The following SULT6B1 variants were observed in gnomAD, a reference collection of about 807,000 sequenced individuals.
SULT6B1 encodes sulfotransferase family 6B member 1.
In SULT6B1, 44 loss-of-function variants were observed where a neutral mutation model predicts 37.2. That is an observed-to-expected ratio of 1.18 (90% CI 0.93 to 1.52). The LOEUF (loss-of-function observed/expected upper bound fraction) is 1.52. SULT6B1 is among the 40% of genes most tolerant of loss of function. The pLI, the probability that SULT6B1 is intolerant of heterozygous loss-of-function variation, is 0.00. For missense variants in SULT6B1, 450 were observed against 361.0 expected (o/e 1.25, Z -2.00); for synonymous variants, 140 against 126.0 (o/e 1.11, Z -0.74).
At position 37,180,362 on chromosome 2, in the gene SULT6B1, T is replaced by C. The variant is rs117074401; in HGVS notation, c.403-778A>G. Among the ~76,000 whole-genome samples, 3 of 152,340 alleles carry C rather than the reference T, an allele frequency of 2.0e-5. No homozygotes were observed. In the East Asian group the frequency reaches 5.8e-4, roughly 29 times the overall value. On this transcript the variant is annotated intron_variant, in intron 3 of 6. Coordinates refer to ENST00000535679, the MANE Select transcript of SULT6B1 (RefSeq NM_001367551.1). Reference sequence around the variant, plus strand: ...GATTTTGCAAAGTGCAGATTTGTGATATTCACTTTCATTTGGGAGAAGTCT... The same window carrying C: ...GATTTTGCAAAGTGCAGATTTGTGACATTCACTTTCATTTGGGAGAAGTCT...
At chr2:37,181,897 CAG>C (rs1558449111) in intron 3 of SULT6B1, among the ~76,000 whole-genome samples, 4 of 152,194 alleles carry the variant, frequency 2.6e-5, no homozygotes, top group Admixed American at 2.6e-4. Flanking sequence ...AACTGTTTAA[CAG>C]AGCTATTCAA....
At chr2:37,173,752 A>G (rs1269511920) in intron 5 of SULT6B1, among the ~76,000 whole-genome samples, 1 of 152,096 alleles carries the variant, frequency 6.6e-6, no homozygotes, top group Non-Finnish European at 1.5e-5. Context: ...TATATCCAGA[A>G]TCCAACCTCT....
intron 3 of SULT6B1, 68 bp downstream of exon 3, chr2:37,183,357 T>C (rs998731568): frequency 4.1e-6 from 5 of 1,224,746 alleles, no homozygotes; most frequent in African/African-American, 3.0e-5. Context: ...AAACTCATGA[T>C]CTACTTCCAA....
chr2:37,175,152 A>T lies in SULT6B1; in HGVS notation c.604T>A (p.Leu202Ile), dbSNP rs372606814. The change falls in exon 5 of 7, where the codon TTA (leucine) becomes ATA (isoleucine). Residue 202 changes from leucine to isoleucine, a missense_variant. Leu to Ile is a conservative substitution (Grantham distance 5). Coordinates refer to ENST00000535679, the MANE Select transcript of SULT6B1 (RefSeq NM_001367551.1). Reference protein sequence around the residue: ...HLDGDNVKFILYEDLKENLAA... With the variant: ...HLDGDNVKFIIYEDLKENLAA... ...CTCACCTCTTTCAGGTCTTCATATA[A>T]TATGAACTTAACATTGTCGCCATCA... The T allele has an allele frequency of 1.8e-5, 28 of 1,552,766 alleles. No homozygotes were observed. Among genetic ancestry groups the T allele is most frequent in the Non-Finnish European group, 2.4e-5 (28 of 1,147,588 alleles).
In SULT6B1 at chr2:37,167,965, C is replaced by G. The variant is rs773062898; in HGVS notation, c.882G>C (p.Lys294Asn). 1.9e-6 allele frequency: 3 copies of G among 1,599,662 alleles called. No homozygotes were observed. Among genetic ancestry groups the G allele is most frequent in the East Asian group, 2.3e-5 (1 of 43,626 alleles). Residue 294 changes from lysine to asparagine, a missense_variant, in exon 7 of 7, where the codon AAG (lysine) becomes AAC (asparagine). Physicochemically the swap from Lys to Asn is moderately conservative, Grantham distance 94 (BLOSUM62 0). Coordinates refer to ENST00000535679, the MANE Select transcript of SULT6B1 (RefSeq NM_001367551.1). ...CCTGGCAATATGATTCATACTTCAA[C>G]TTTGCTCCGAGGGAGGTGCCTGCTA... Reference protein sequence around the residue: ...ECLAGTSLGAKLKYESYCQG With the variant: ...ECLAGTSLGANLKYESYCQG
chr2:37,193,597 A>AAAGAAGAAGAAAAAG (rs1676827698), upstream of SULT6B1, among the ~76,000 whole-genome samples: 1 of 113,796 alleles, frequency 8.8e-6, no homozygotes, highest in African/African-American at 3.5e-5. Context: ...AGAAGAAGAA[A>AAAGAAGAAGAAAAAG]AAGAAGAAGA....
intron 3 of SULT6B1, among the ~76,000 whole-genome samples, chr2:37,179,989 G>A (rs1676515677): frequency 6.6e-6 from 1 of 152,156 alleles, no homozygotes; most frequent in Non-Finnish European, 1.5e-5. Flanking sequence ...TTAAAGAATG[G>A]CAAAGCCCAC....
chr2:37,188,618 A>G lies in SULT6B1; in HGVS notation c.23T>C (p.Ile8Thr), dbSNP rs1209835064. 4 of 1,401,788 alleles carry G rather than the reference A, an allele frequency of 2.9e-6. No individual in the cohort carries two copies. Among genetic ancestry groups the G allele is most frequent in the Non-Finnish European group, 4.0e-6 (4 of 991,134 alleles). 86.8% of individuals were successfully genotyped at this position (1,401,788 alleles called of 1,614,324 possible). A position where few individuals can be genotyped will look rare whatever the true frequency, so the allele number is the denominator to read the frequency against. ...TTCTAAAGCTTCGTCAATGTATTCA[A>G]TAAATTTGGATTTATCAGCCATGGT... The part of the protein sequence containing the change: MADKSKF[I>T]EYIDEALEKS... Residue 8 changes from isoleucine (I) to threonine (T), a missense_variant, in exon 1 of 7, where the codon ATT (isoleucine) becomes ACT (threonine). By Grantham distance (89) the Ile-to-Thr change is moderately conservative. Transcript: ENST00000535679.
At chr2:37,194,084 GT>G (rs1676841092) in intron 1 of SULT6B1, among the ~76,000 whole-genome samples, 2 of 151,776 alleles carry the variant, frequency 1.3e-5, no homozygotes, top group African/African-American at 4.8e-5. Flanking sequence ...TATAATTTCT[GT>G]TTTTTCGTGA....
At position 37,175,841 on chromosome 2, in the gene SULT6B1, T is replaced by G. The variant is rs1413720196; in HGVS notation, c.530-615A>C. Reference sequence around the variant, plus strand: ...CTCAATTTGGATGCTAAATTTTTATTGAAAATACTTGATGTATATTTAGAT... The same window carrying G: ...CTCAATTTGGATGCTAAATTTTTATGGAAAATACTTGATGTATATTTAGAT... On this transcript the variant is annotated intron_variant, in intron 4 of 6. Coordinates refer to ENST00000535679, the MANE Select transcript of SULT6B1 (RefSeq NM_001367551.1). Among the ~76,000 whole-genome samples the G allele has an allele frequency of 3.3e-5, 5 of 152,252 alleles. No individual in the cohort carries two copies. In the East Asian group the frequency reaches 9.6e-4, roughly 29 times the overall value.
chr2:37,186,917 A>G (rs1054325140), intron 2 of SULT6B1, among the ~76,000 whole-genome samples: 13 of 152,174 alleles, frequency 8.5e-5, no homozygotes, highest in African/African-American at 3.1e-4. Flanking sequence ...ATGGTTTACT[A>G]GGAAAAGACT....
Position 37,187,465 on chromosome 2 carries a change from A to T in SULT6B1, c.202T>A (p.Ser68Thr). ...CTGACAATGTGGAGAATCCAGTTTG[A>T]ACCTATCAGAAAAATCAGAGAATAA... is the stretch of plus-strand genomic sequence containing the variant. ...IVLASYPKCG[S>T]NWILHIVSEL... Residue 68 changes from serine (S) to threonine (T), a missense_variant and splice_region_variant, in exon 2 of 7, where the codon TCA becomes ACA. Transcript: ENST00000535679. The T allele has an allele frequency of 1.3e-6, 2 of 1,560,866 alleles. No individual in the cohort carries two copies. Among genetic ancestry groups the T allele is most frequent in the Non-Finnish European group, 1.7e-6 (2 of 1,143,170 alleles).
At chr2:37,179,173 C>T (rs545036782) in intron 4 of SULT6B1, among the ~76,000 whole-genome samples, 74 of 152,182 alleles carry the variant, frequency 4.9e-4, no homozygotes, top group African/African-American at 1.6e-3. Context: ...TTAGCCAGGA[C>T]AGTCTTGATC....
chr2:37,188,711 AG>A (rs1186971660), upstream of SULT6B1: 6 of 606,724 alleles, frequency 9.9e-6, no homozygotes, highest in Non-Finnish European at 1.8e-5. Context: ...GGAGTTGGGC[AG>A]GGGCTGGAAT....
chr2:37,187,453 G>C lies in SULT6B1; in HGVS notation c.214C>G (p.Leu72Val). The C allele has an allele frequency of 6.3e-7, 1 of 1,596,722 alleles. No individual in the cohort carries two copies. Among genetic ancestry groups the C allele is most frequent in the South Asian group, 1.1e-5 (1 of 89,018 alleles). Residue 72 changes from leucine (L) to valine (V), a missense_variant, in exon 2 of 7, where the codon CTC becomes GTC. Physicochemically the swap from Leu to Val is conservative, Grantham distance 32. Transcript: ENST00000535679. ...SYPKCGSNWI[L>V]HIVSELIYAV... is the part of the protein sequence containing the mutation. Reference sequence around the variant, plus strand: ...TATATTAATTCACTGACAATGTGGAGAATCCAGTTTGAACCTATCAGAAAA... The same window carrying C: ...TATATTAATTCACTGACAATGTGGACAATCCAGTTTGAACCTATCAGAAAA...
At chr2:37,172,135 G>C (rs959991132) in intron 5 of SULT6B1, among the ~76,000 whole-genome samples, 4 of 151,680 alleles carry the variant, frequency 2.6e-5, no homozygotes, top group Non-Finnish European at 5.9e-5. Context: ...ACTGCAGCCT[G>C]GACTTCCTGG....
At chr2:37,192,560 A>G (rs766821300), upstream of SULT6B1, among the ~76,000 whole-genome samples, 3 of 152,234 alleles carry the variant, frequency 2.0e-5, no homozygotes, top group Non-Finnish European at 4.4e-5. Flanking sequence ...TATTAGCTGT[A>G]GTTGCAAAGG....
chr2:37,195,255 A>G (rs72875705), intron 1 of SULT6B1, among the ~76,000 whole-genome samples: 7,776 of 152,056 alleles, frequency 0.051, 254 homozygotes, highest in African/African-American at 0.087. Flanking sequence ...AAGCCCCAAT[A>G]GCTTTTTCAT....
At chr2:37,171,781 T>TA (rs1261158745) in intron 5 of SULT6B1, among the ~76,000 whole-genome samples, 191 bp from the exon 6 acceptor site, 1 of 152,200 alleles carries the variant, frequency 6.6e-6, no homozygotes, top group African/African-American at 2.4e-5. Flanking sequence ...CTGTATTGAT[T>TA]ATACTTTGTA....
Sources: gnomAD v4.1 joint callset for allele counts (sites outside exome capture counted in the v4.1 genomes callset) on GRCh38, gnomAD v4.1.1 for gene constraint, MANE v1.5 for transcripts, NCBI Gene and HGNC (gene_info 2026-07-23, HGNC 2026-07-21) for gene names.